PCNX2: variants seen among roughly 807,000 people sequenced by gnomAD.
PCNX2 encodes pecanex 2.
Under a neutral mutation model 223.8 loss-of-function variants are expected in PCNX2, and 168 were observed. The ratio of observed to expected loss-of-function variants is 0.75; its 90% CI spans 0.66 to 0.85. PCNX2 has a LOEUF of 0.85. Among genes scored for constraint, PCNX2 ranks in the 40% least tolerant of loss-of-function variants. PCNX2 has a pLI of 0.00. For synonymous variants in PCNX2, 1,006 were observed against 1,052.6 expected (o/e 0.96, Z 0.86); for missense variants, 2,507 against 2,675.5 (o/e 0.94, Z 1.39).
upstream of PCNX2, among the ~76,000 whole-genome samples, chr1:233,295,998 C>CTTTTTTT (rs201102619): frequency 6.7e-3 from 648 of 96,848 alleles, 12 homozygotes; most frequent in South Asian, 0.028. The surrounding 1 kb of genome is among the most constrained non-coding windows in gnomAD (Gnocchi z 4.1). Context: ...TTCTTTCTTT[C>CTTTTTTT]TTTCTTTTTT....
chr1:233,069,965 GAA>G (rs1672780196), intron 23 of PCNX2, among the ~76,000 whole-genome samples: 1 of 151,886 alleles, frequency 6.6e-6, no homozygotes, highest in Non-Finnish European at 1.5e-5. Flanking sequence ...CAATAACATC[GAA>G]AAATCTCTAA....
At chr1:233,048,489 A>T (rs536098882) in intron 25 of PCNX2, among the ~76,000 whole-genome samples, 1 of 152,296 alleles carries the variant, frequency 6.6e-6, no homozygotes, top group East Asian at 1.9e-4. Context: ...CAACATACCA[A>T]AATTTCTGGG....
intron 10 of PCNX2, among the ~76,000 whole-genome samples, chr1:233,221,568 G>A (rs1454295721): frequency 6.6e-6 from 1 of 152,140 alleles, no homozygotes; most frequent in South Asian, 2.1e-4. Flanking sequence ...GCCAGGCAAA[G>A]AGTGACATGA....
In PCNX2 at chr1:233,016,710, A is replaced by T. The variant is rs1043821153; in HGVS notation, c.4839+211T>A. On this transcript the variant is annotated intron_variant, in intron 27 of 33. Transcript: ENST00000258229. ...CCCTGAGCACTGCATAAAGGGATCT[A>T]TATCTTTAAGTGTCCTTCATTGGAG... 6 of 923,040 alleles carry T rather than the reference A, an allele frequency of 6.5e-6. No individual in the cohort carries two copies. In the African/African-American group the frequency reaches 1.1e-4, roughly 17 times the overall value. The allele number at this position is 923,040 out of a possible 1,614,324, so 57.2% of individuals were successfully genotyped here. A position where few individuals can be genotyped will look rare whatever the true frequency, so the allele number is the denominator to read the frequency against.
chr1:233,321,738 T>C, the PCNX2 span, among the ~76,000 whole-genome samples: 3 of 152,230 alleles, frequency 2.0e-5, no homozygotes, highest in Non-Finnish European at 4.4e-5. Context: ...TACTGCTTTG[T>C]CAGGGACATT....
chr1:233,090,175 A>G lies in PCNX2; in HGVS notation c.3962T>C (p.Phe1321Ser). 2.5e-6 allele frequency: 4 copies of G among 1,613,570 alleles called. No individual in the cohort carries two copies. The highest frequency in any genetic ancestry group is 3.4e-6 in the Non-Finnish European group (4 of 1,179,782). ...GATTGATGTGGCAATCGTCTGAAAG[A>G]AAAGCATGGCAGAATCTGAGAATGT... is the stretch of plus-strand genomic sequence containing the variant. ...LFAIPHSAML[F>S]FQTIATSIFS... The change falls in exon 23 of 34, where the codon TTC (phenylalanine) becomes TCC (serine). Residue 1321 changes from phenylalanine (F) to serine (S), a missense_variant. Coordinates refer to ENST00000258229, the MANE Select transcript of PCNX2 (RefSeq NM_014801.4).
chr1:233,309,534 C>A, the PCNX2 span, among the ~76,000 whole-genome samples: 1 of 127,122 alleles, frequency 7.9e-6, no homozygotes, highest in Non-Finnish European at 1.7e-5. Context: ...GAGTGAGACT[C>A]CCTCAAAAAA....
intron 23 of PCNX2, among the ~76,000 whole-genome samples, chr1:233,081,335 G>A (rs1171879532): frequency 2.0e-5 from 3 of 151,636 alleles, no homozygotes. Flanking sequence ...TGTAAAGTGA[G>A]ACTCCATCTC....
intron 28 of PCNX2, among the ~76,000 whole-genome samples, chr1:233,006,879 A>G (rs1162702167): frequency 6.6e-6 from 1 of 152,052 alleles, no homozygotes; most frequent in East Asian, 1.9e-4. Flanking sequence ...TAACAGAAAT[A>G]CTCAGAGTGT....
chr1:233,045,080 G>A (rs759841603), intron 25 of PCNX2, among the ~76,000 whole-genome samples: 7 of 152,108 alleles, frequency 4.6e-5, no homozygotes, highest in Admixed American at 6.5e-5. Flanking sequence ...CAAGATCTAC[G>A]TCCCTATTCT....
chr1:233,090,279 G>A, intron 22 of PCNX2, 89 bp from the exon 23 acceptor site: 2 of 1,432,892 alleles, frequency 1.4e-6, no homozygotes, highest in South Asian at 2.6e-5. Flanking sequence ...TTTCACTAAA[G>A]TCATTTTTTC....
intron 15 of PCNX2, among the ~76,000 whole-genome samples, chr1:233,189,694 C>G (rs751352644): frequency 1.3e-5 from 2 of 152,072 alleles, no homozygotes; most frequent in Admixed American, 6.6e-5. Flanking sequence ...AAAGCTCCCC[C>G]GCAAGCAGTT....
intron 23 of PCNX2, among the ~76,000 whole-genome samples, chr1:233,074,421 C>T (rs933986102): frequency 6.6e-6 from 1 of 151,508 alleles, no homozygotes; most frequent in African/African-American, 2.4e-5. Context: ...GGTGAAACCC[C>T]GTCTCTACTA....
the PCNX2 span, among the ~76,000 whole-genome samples, chr1:233,315,546 G>A: frequency 6.6e-6 from 1 of 152,178 alleles, no homozygotes; most frequent in Non-Finnish European, 1.5e-5. Flanking sequence ...ATGGTCAGTG[G>A]TGTAAGTTCA....
At chr1:233,073,002 T>C (rs1295957681) in intron 23 of PCNX2, among the ~76,000 whole-genome samples, 1 of 152,226 alleles carries the variant, frequency 6.6e-6, no homozygotes, top group Non-Finnish European at 1.5e-5. Flanking sequence ...TGAAGTCAAC[T>C]GGTCCTGGGC....
chr1:233,151,887 G>C (rs770133222), intron 19 of PCNX2, among the ~76,000 whole-genome samples: 1 of 152,098 alleles, frequency 6.6e-6, no homozygotes, highest in African/African-American at 2.4e-5. Flanking sequence ...GAGCCACTGC[G>C]CCCAGCCTTT....
At chr1:233,282,584 A>G (rs1661246548) in intron 1 of PCNX2, among the ~76,000 whole-genome samples, 1 of 152,026 alleles carries the variant, frequency 6.6e-6, no homozygotes, top group Non-Finnish European at 1.5e-5. Context: ...TTCCTCCCCC[A>G]TCCTTACGCC....
intron 15 of PCNX2, among the ~76,000 whole-genome samples, chr1:233,182,233 C>G (rs1037542266): frequency 2.0e-5 from 3 of 152,220 alleles, no homozygotes; most frequent in Non-Finnish European, 4.4e-5. Flanking sequence ...GCAGCCCCCA[C>G]TTGATGACGG....
intron 4 of PCNX2, chr1:233,259,869 CA>C: frequency 3.4e-6 from 3 of 883,800 alleles, no homozygotes; most frequent in Non-Finnish European, 4.1e-6. Context: ...TGAAACACAA[CA>C]ATAAAAATAA....
Sources: allele counts gnomAD v4.1 joint callset (sites outside exome capture counted in the v4.1 genomes callset), GRCh38; gene constraint gnomAD v4.1.1; non-coding constraint Gnocchi (gnomAD v3.1); transcripts MANE v1.5; gene names NCBI Gene and HGNC (gene_info 2026-07-23, HGNC 2026-07-21).